Variants in LRFN2 observed in about 807,000 individuals in gnomAD.
LRFN2 encodes the protein leucine-rich repeat and fibronectin type-III domain-containing protein 2.
LRFN2 carries 18 observed loss-of-function variants against 37.3 expected under a neutral mutation model. The ratio of observed to expected loss-of-function variants is 0.48; its 90% CI spans 0.33 to 0.72. The LOEUF is 0.72. Among genes scored for constraint, LRFN2 ranks in the 30% least tolerant of loss-of-function variants. LRFN2 has a pLI of 0.02. For synonymous variants in LRFN2, 556 were observed against 466.6 expected (o/e 1.19, Z -2.47); for missense variants, 1,006 against 1,060.7 (o/e 0.95, Z 0.72).
chr6:40,400,662 C>A (rs1257605626), intron 2 of LRFN2, among the ~76,000 whole-genome samples: 2 of 151,624 alleles, frequency 1.3e-5, no homozygotes, highest in Admixed American at 6.6e-5. Flanking sequence ...CTCAAGTGAT[C>A]CACCCACCTT....
chr6:40,443,922 G>A (rs1042219228), intron 1 of LRFN2, among the ~76,000 whole-genome samples: 2 of 152,166 alleles, frequency 1.3e-5, no homozygotes, highest in Non-Finnish European at 2.9e-5. Context: ...TGTCCAACAG[G>A]AGGATGTAGC....
At chr6:40,472,860 T>A (rs1171536158) in intron 1 of LRFN2, among the ~76,000 whole-genome samples, 1 of 152,106 alleles carries the variant, frequency 6.6e-6, no homozygotes, top group Non-Finnish European at 1.5e-5. Flanking sequence ...TTTCAGTGAG[T>A]GTGTTTCTCC....
At chr6:40,513,049 G>T (rs1024309015) in intron 1 of LRFN2, among the ~76,000 whole-genome samples, 3 of 152,176 alleles carry the variant, frequency 2.0e-5, no homozygotes, top group Admixed American at 1.3e-4. Flanking sequence ...AGTGGCTGGG[G>T]CTTGTCAACT....
intron 1 of LRFN2, among the ~76,000 whole-genome samples, chr6:40,572,934 C>A (rs1411826777): frequency 6.6e-6 from 1 of 152,138 alleles, no homozygotes; most frequent in Non-Finnish European, 1.5e-5. Context: ...AATATTGGAG[C>A]CAAAGGACTG....
chr6:40,534,570 TC>T (rs1454200546), intron 1 of LRFN2, among the ~76,000 whole-genome samples: 1 of 152,106 alleles, frequency 6.6e-6, no homozygotes, highest in Non-Finnish European at 1.5e-5. Context: ...TGCTTCAGTT[TC>T]CCCTCTGGAA....
chr6:40,550,028 C>T (rs958717518), intron 1 of LRFN2, among the ~76,000 whole-genome samples: 6 of 152,010 alleles, frequency 3.9e-5, no homozygotes, highest in African/African-American at 9.7e-5. Context: ...AGAAAGACTC[C>T]GTCTCAAAAT....
At chr6:40,583,118 C>T (rs148702477) in intron 1 of LRFN2, among the ~76,000 whole-genome samples, 2 of 152,008 alleles carry the variant, frequency 1.3e-5, no homozygotes, top group African/African-American at 4.8e-5. Flanking sequence ...AAAATGTGTG[C>T]TTGGTGGGGA....
intron 2 of LRFN2, among the ~76,000 whole-genome samples, chr6:40,407,441 A>G (rs752252273): frequency 6.6e-6 from 1 of 152,182 alleles, no homozygotes; most frequent in East Asian, 1.9e-4. Flanking sequence ...GAAATGGGAG[A>G]GTAATACTAG....
intron 1 of LRFN2, among the ~76,000 whole-genome samples, chr6:40,467,671 CAGCTGTTCTCTCTTT>C (rs1443046701): frequency 6.6e-6 from 1 of 152,174 alleles, no homozygotes; most frequent in Non-Finnish European, 1.5e-5. Context: ...GACAGGAAAC[CAGCTGTTCTCTCTTT>C]GACAGAGACC....
intron 1 of LRFN2, among the ~76,000 whole-genome samples, chr6:40,581,290 G>T (rs1045335266): frequency 1.3e-5 from 2 of 152,182 alleles, no homozygotes; most frequent in African/African-American, 2.4e-5. Flanking sequence ...TCATGGACTC[G>T]TAAATCAAAG....
At chr6:40,499,092 A>G (rs1765308141) in intron 1 of LRFN2, among the ~76,000 whole-genome samples, 1 of 152,230 alleles carries the variant, frequency 6.6e-6, no homozygotes, top group South Asian at 2.1e-4. Context: ...AGAATGAGGA[A>G]GGAGGAGGCC....
At chr6:40,401,550 C>T (rs1362488004) in intron 2 of LRFN2, among the ~76,000 whole-genome samples, 1 of 152,132 alleles carries the variant, frequency 6.6e-6, no homozygotes, top group African/African-American at 2.4e-5. Context: ...CTGCTTGAGG[C>T]TTTACATTAT....
intron 1 of LRFN2, among the ~76,000 whole-genome samples, chr6:40,540,592 G>A (rs1392594867): frequency 6.6e-6 from 1 of 152,216 alleles, no homozygotes; most frequent in East Asian, 1.9e-4. Context: ...GGGGAAGGAA[G>A]ATCTTGCCCT....
chr6:40,474,342 C>T (rs1336973136), intron 1 of LRFN2, among the ~76,000 whole-genome samples: 3 of 152,186 alleles, frequency 2.0e-5, no homozygotes, highest in Non-Finnish European at 4.4e-5. Context: ...ATCCTAGGTG[C>T]TCCTTGGCTG....
intron 1 of LRFN2, among the ~76,000 whole-genome samples, chr6:40,518,033 T>C (rs1198476936): frequency 2.0e-5 from 3 of 152,180 alleles, no homozygotes; most frequent in Admixed American, 1.3e-4. Flanking sequence ...AAACGCCCTG[T>C]GCACGGCTTG....
At chr6:40,498,948 G>T (rs1765304170) in intron 1 of LRFN2, among the ~76,000 whole-genome samples, 1 of 152,188 alleles carries the variant, frequency 6.6e-6, no homozygotes, top group African/African-American at 2.4e-5. Flanking sequence ...GACCAGCATG[G>T]TTCCCATCCT....
At chr6:40,528,450 C>G (rs994114038) in intron 1 of LRFN2, among the ~76,000 whole-genome samples, 95 of 152,170 alleles carry the variant, frequency 6.2e-4, no homozygotes, top group African/African-American at 2.2e-3. Flanking sequence ...GTGCTTAGGT[C>G]CTGATGCCTC....
chr6:40,434,473 T>C lies in LRFN2; in HGVS notation c.-18-1342A>G, dbSNP rs371312880. Among the ~76,000 whole-genome samples, 6 of 145,156 alleles carry C rather than the reference T, an allele frequency of 4.1e-5. No individual in the cohort carries two copies. The East Asian group carries it at 9.7e-4, about 23-fold the overall frequency. Reference sequence around the variant, plus strand: ...GCAGACCAGCATTTCTCAAATTGCCTTTTTTTTTCTTTTTTTTTTTTTTGA... The same window carrying C: ...GCAGACCAGCATTTCTCAAATTGCCCTTTTTTTTCTTTTTTTTTTTTTTGA... On this transcript the variant is annotated intron_variant, in intron 1 of 2. Transcript: ENST00000338305.
chr6:40,441,519 G>A (rs987633292), intron 1 of LRFN2, among the ~76,000 whole-genome samples: 5 of 152,172 alleles, frequency 3.3e-5, no homozygotes, highest in African/African-American at 1.2e-4. Flanking sequence ...GAGGAAGAGA[G>A]AGGGAGCACA....
Sources: allele counts gnomAD v4.1 joint callset (sites outside exome capture counted in the v4.1 genomes callset), GRCh38; gene constraint gnomAD v4.1.1; transcripts MANE v1.5; gene names NCBI Gene and HGNC (gene_info 2026-07-23, HGNC 2026-07-21).